TNIK: variants seen among roughly 807,000 people sequenced by gnomAD.
TNIK encodes TRAF2 and NCK interacting kinase, also known as TRAF2 and NCK-interacting protein kinase.
A neutral mutation model predicts 191.3 loss-of-function variants in TNIK; 49 were observed. That is an observed-to-expected ratio of 0.26 (90% CI 0.20 to 0.32). The LOEUF is 0.32. Ranked by LOEUF, TNIK falls within the 10% of genes least tolerant of loss-of-function variation. The pLI is 1.00. For synonymous variants in TNIK, 594 were observed against 600.9 expected (o/e 0.99, Z 0.17); for missense variants, 1,155 against 1,702.3 (o/e 0.68, Z 5.66).
At chr3:171,192,341 G>A (rs775445864) in intron 5 of TNIK, among the ~76,000 whole-genome samples, 3 of 152,160 alleles carry the variant, frequency 2.0e-5, no homozygotes, top group Non-Finnish European at 2.9e-5. Context: ...AGATACCAGA[G>A]CATGGAAGTG....
At chr3:171,301,314 CTTTT>C (rs36084093) in intron 2 of TNIK, among the ~76,000 whole-genome samples, 1 of 133,684 alleles carries the variant, frequency 7.5e-6, no homozygotes, top group African/African-American at 2.8e-5. Flanking sequence ...ACTAGCTGGA[CTTTT>C]TTTTTTTTTT....
rs113765960 is a variant in TNIK at position 171,213,720 on chromosome 3, T to A, written c.181-2479A>T. Among the ~76,000 whole-genome samples, 792 of 152,236 alleles carry A rather than the reference T, an allele frequency of 5.2e-3. 6 individuals are homozygous for A. The highest frequency in any genetic ancestry group is 0.012 in the Admixed American group (190 of 15,282). On this transcript the variant is annotated intron_variant, in intron 3 of 32. Transcript: ENST00000436636. ...GCAATATGACAATAAGGACAGCATA[T>A]GCATTGAGTCTGGGATCAGAAAGAA...
intron 11 of TNIK, among the ~76,000 whole-genome samples, chr3:171,158,294 G>A (rs1202352801): frequency 6.6e-6 from 1 of 152,224 alleles, no homozygotes; most frequent in Non-Finnish European, 1.5e-5. Context: ...GGCCACAGCA[G>A]GTGCAGCTAG....
chr3:171,174,046 G>A (rs1271806454), intron 9 of TNIK, among the ~76,000 whole-genome samples: 2 of 152,210 alleles, frequency 1.3e-5, no homozygotes, highest in African/African-American at 4.8e-5. Context: ...AGGAGGAGCA[G>A]GGAACGCTCT....
intron 11 of TNIK, among the ~76,000 whole-genome samples, chr3:171,160,599 T>A (rs1366272858): frequency 6.6e-6 from 1 of 151,908 alleles, no homozygotes; most frequent in African/African-American, 2.4e-5. Flanking sequence ...CAAAGAGATA[T>A]CCTGGCAGTG....
intron 1 of TNIK, among the ~76,000 whole-genome samples, chr3:171,446,672 G>C (rs1727537934): frequency 6.6e-6 from 1 of 152,160 alleles, no homozygotes. Flanking sequence ...CTACCTATGT[G>C]AAAAACTGAA....
At chr3:171,383,195 G>A (rs554712315) in intron 1 of TNIK, among the ~76,000 whole-genome samples, 3 of 152,244 alleles carry the variant, frequency 2.0e-5, no homozygotes, top group South Asian at 2.1e-4. Flanking sequence ...TGATACAGGG[G>A]GCAAGGAAAG....
At chr3:171,256,382 G>C (rs532281776) in intron 2 of TNIK, among the ~76,000 whole-genome samples, 3 of 152,300 alleles carry the variant, frequency 2.0e-5, no homozygotes, top group African/African-American at 7.2e-5. Context: ...TGGTACAGTC[G>C]AGGGAGGCAG....
intron 12 of TNIK, among the ~76,000 whole-genome samples, chr3:171,148,458 T>C (rs1014006888): frequency 3.3e-5 from 5 of 152,180 alleles, no homozygotes; most frequent in African/African-American, 1.2e-4. Context: ...AAGAATGGCC[T>C]AATGGACATC....
rs558396052 is a variant in TNIK at position 171,291,144 on chromosome 3, T to C, written c.124-62923A>G. Among the ~76,000 whole-genome samples the C allele has an allele frequency of 3.9e-5, 6 of 152,288 alleles. No individual in the cohort carries two copies. In the East Asian group the frequency reaches 1.2e-3, roughly 29 times the overall value. On this transcript the variant is annotated intron_variant, in intron 2 of 32. Transcript: ENST00000436636. ...GTGCAAACCTTAACCATATATTCCA[T>C]TAACACATCCTCCCACCGCCATAGT... is the stretch of plus-strand genomic sequence containing the variant.
intron 2 of TNIK, among the ~76,000 whole-genome samples, chr3:171,256,399 T>A (rs370314633): frequency 6.4e-4 from 98 of 152,254 alleles, no homozygotes; most frequent in African/African-American, 2.2e-3. Flanking sequence ...GCAGAGCATT[T>A]TGCTGGGAAA....
intron 7 of TNIK, 122 bp from the exon 8 acceptor site, chr3:171,177,502 T>C (rs756114304): frequency 6.0e-6 from 7 of 1,170,932 alleles, no homozygotes; most frequent in Non-Finnish European, 8.3e-6. Context: ...CAAACCTATT[T>C]CTTCCACTAA....
chr3:171,138,412 G>A, intron 14 of TNIK, 33 bp from the exon 15 acceptor site: 2 of 1,478,596 alleles, frequency 1.4e-6, no homozygotes, highest in Non-Finnish European at 1.8e-6. Flanking sequence ...GCAAAGAAAA[G>A]GCCAAATTAT....
At chr3:171,415,232 C>T (rs192246396) in intron 1 of TNIK, among the ~76,000 whole-genome samples, 13 of 152,230 alleles carry the variant, frequency 8.5e-5, no homozygotes. Flanking sequence ...TTATTAACAA[C>T]CCCAGACGCA....
chr3:171,075,435 T>A (rs192449417), intron 28 of TNIK, among the ~76,000 whole-genome samples: 41 of 152,290 alleles, frequency 2.7e-4, no homozygotes, highest in African/African-American at 8.7e-4. Flanking sequence ...CAAGAAAAAA[T>A]TAGAATTCCA....
chr3:171,346,365 T>C (rs1226814412), intron 2 of TNIK, among the ~76,000 whole-genome samples: 2 of 152,144 alleles, frequency 1.3e-5, no homozygotes, highest in East Asian at 3.8e-4. Context: ...TAATTAAACA[T>C]TTTCTGATGA....
chr3:171,288,979 A>G (rs6770214), intron 2 of TNIK, among the ~76,000 whole-genome samples: 27,117 of 152,084 alleles, frequency 0.18, 2,531 homozygotes, highest in Non-Finnish European at 0.19. Flanking sequence ...ATTGATCACA[A>G]TTGAAGAATT....
chr3:171,076,904 C>G (rs1358845126), intron 28 of TNIK, among the ~76,000 whole-genome samples: 1 of 149,718 alleles, frequency 6.7e-6, no homozygotes, highest in Non-Finnish European at 1.5e-5. Flanking sequence ...ATTTCCTTCT[C>G]TCTCTAGCTT....
intron 1 of TNIK, among the ~76,000 whole-genome samples, chr3:171,456,838 T>C (rs1728847676): frequency 6.6e-6 from 1 of 152,250 alleles, no homozygotes; most frequent in African/African-American, 2.4e-5. Context: ...TGATTTCTGA[T>C]TCCACCACAG....
Sources: gnomAD v4.1 joint callset for allele counts (sites outside exome capture counted in the v4.1 genomes callset) on GRCh38, gnomAD v4.1.1 for gene constraint, MANE v1.5 for transcripts, NCBI Gene and HGNC (gene_info 2026-07-23, HGNC 2026-07-21) for gene names.